Variants in CEMIP2 observed in about 807,000 individuals in gnomAD.
CEMIP2 encodes cell surface hyaluronidase CEMIP2.
A neutral mutation model predicts 146.9 loss-of-function variants in CEMIP2; 79 were observed. The ratio of observed to expected loss-of-function variants is 0.54; its 90% CI spans 0.45 to 0.65. The LOEUF (loss-of-function observed/expected upper bound fraction) is 0.65, where lower values mean the gene tolerates loss of function less well. Ranked by LOEUF, CEMIP2 falls within the 30% of genes least tolerant of loss-of-function variation. CEMIP2 has a pLI of 0.00. For synonymous variants in CEMIP2, 601 were observed against 606.3 expected (o/e 0.99, Z 0.13); for missense variants, 1,596 against 1,696.2 (o/e 0.94, Z 1.04).
At chr9:71,728,229 CTCTATATA>C (rs1417796501) in intron 10 of CEMIP2, among the ~76,000 whole-genome samples, 15 of 17,156 alleles carry the variant, frequency 8.7e-4, no homozygotes, top group African/African-American at 2.4e-3. Flanking sequence ...CTCTCTCTCT[CTCTATATA>C]TATATATATA....
intron 10 of CEMIP2, 119 bp downstream of exon 10, chr9:71,729,726 C>T (rs939714604): frequency 1.1e-6 from 1 of 922,306 alleles, no homozygotes; most frequent in Non-Finnish European, 1.7e-6. Context: ...CAAGTAGTAC[C>T]AGAAAACAAT....
chr9:71,728,302 C>CGTATATATATGTAT (rs1554684803), intron 10 of CEMIP2, among the ~76,000 whole-genome samples: 2 of 11,584 alleles, frequency 1.7e-4, no homozygotes, highest in Admixed American at 1.7e-3. Context: ...TATATATATA[C>CGTATATATATGTAT]ATATATATAT....
chr9:71,727,400 A>G (rs550365464), intron 10 of CEMIP2, among the ~76,000 whole-genome samples: 2 of 152,348 alleles, frequency 1.3e-5, no homozygotes, highest in East Asian at 3.9e-4. Context: ...TACAGGCTCA[A>G]AAATATTTGA....
At chr9:71,769,442 T>C (rs1824902907), upstream of CEMIP2, among the ~76,000 whole-genome samples, 1 of 152,210 alleles carries the variant, frequency 6.6e-6, no homozygotes, top group Non-Finnish European at 1.5e-5. Flanking sequence ...ACAGGGCAGC[T>C]CTTCTGGTCC....
chr9:71,734,208 G>GGTTTTTTTT lies in CEMIP2; in HGVS notation c.1393+597_1393+598insAAAAAAAAC, dbSNP rs374206725. On this transcript the variant is annotated intron_variant, in intron 6 of 23. Coordinates refer to ENST00000377044, the MANE Select transcript of CEMIP2 (RefSeq NM_013390.3). ...CCATTTTAAATATCAATGAGTTTTT[G>GGTTTTTTTT]TTTTTGTTTTTGTTTTTGGTAATCA... Among the ~76,000 whole-genome samples, 213 of 144,106 alleles carry GGTTTTTTTT rather than the reference G, an allele frequency of 1.5e-3. 1 individual carries two copies. Among genetic ancestry groups the GGTTTTTTTT allele is most frequent in the South Asian group, 6.2e-3 (24 of 3,884 alleles). 94.5% of individuals were successfully genotyped at this position (144,106 alleles called of 152,430 possible).
Position 71,698,183 on chromosome 9 carries a change from T to C in CEMIP2, c.3399A>G (p.Lys1133=), listed in dbSNP as rs1357873761. The change falls in exon 20 of 24, where the codon AAA becomes AAG. Residue 1133 remains lysine (K), a synonymous_variant. Coordinates refer to ENST00000377044, the MANE Select transcript of CEMIP2 (RefSeq NM_013390.3). ...TGTGGCCATGCCTGTGGCTTTTGGCTTTGAGATACAAAAACAGTAACCTGC... is the reference window on the plus strand; with the variant it reads ...TGTGGCCATGCCTGTGGCTTTTGGCCTTGAGATACAAAAACAGTAACCTGC... The part of the protein sequence containing the change: ...SSTGLLFLYL[K]AKSHRHGHSY... The C allele has an allele frequency of 6.2e-7, 1 of 1,614,164 alleles. No individual in the cohort carries two copies. Among genetic ancestry groups the C allele is most frequent in the Admixed American group, 1.7e-5 (1 of 60,012 alleles).
chr9:71,718,430 C>T (rs868556980), intron 12 of CEMIP2, among the ~76,000 whole-genome samples: 111 of 152,064 alleles, frequency 7.3e-4, no homozygotes, highest in African/African-American at 2.6e-3. Context: ...CCAATATAAA[C>T]TTATTTAATA....
At chr9:71,759,357 C>T (rs546224743) in intron 1 of CEMIP2, among the ~76,000 whole-genome samples, 18 of 152,156 alleles carry the variant, frequency 1.2e-4, no homozygotes, top group Admixed American at 2.6e-4. Context: ...TATAATACAG[C>T]GAAAGTATAA....
At chr9:71,719,512 A>G (rs1376235875) in intron 12 of CEMIP2, among the ~76,000 whole-genome samples, 1 of 152,168 alleles carries the variant, frequency 6.6e-6, no homozygotes, top group Admixed American at 6.6e-5. Flanking sequence ...TTCTTTTAAG[A>G]GATCACTGAT....
chr9:71,702,296 T>A, intron 18 of CEMIP2, among the ~76,000 whole-genome samples: 1 of 146,726 alleles, frequency 6.8e-6, no homozygotes, highest in Non-Finnish European at 1.5e-5. Flanking sequence ...TTCACCTAGG[T>A]TTTCAAGTGA....
chr9:71,767,997 G>A (rs758069227), intron 1 of CEMIP2, among the ~76,000 whole-genome samples: 20 of 152,168 alleles, frequency 1.3e-4, no homozygotes, highest in Non-Finnish European at 2.6e-4. Context: ...AAAGTTTAAG[G>A]CTGTTCGCAC....
chr9:71,755,380 CAA>C (rs1491420760), intron 1 of CEMIP2, among the ~76,000 whole-genome samples: 4 of 128,968 alleles, frequency 3.1e-5, no homozygotes, highest in Non-Finnish European at 3.4e-5. Flanking sequence ...CACACACACA[CAA>C]AATTAAATCA....
intron 1 of CEMIP2, among the ~76,000 whole-genome samples, chr9:71,766,916 G>C (rs1824815327): frequency 1.3e-5 from 2 of 152,194 alleles, no homozygotes; most frequent in Non-Finnish European, 2.9e-5. Context: ...CTCTAATGCA[G>C]GTACACAGAA....
intron 2 of CEMIP2, among the ~76,000 whole-genome samples, chr9:71,746,596 C>CAAAAAAAAAAAAAAAAAAA (rs5898226): frequency 2.7e-5 from 2 of 75,178 alleles, no homozygotes; most frequent in African/African-American, 1.1e-4. Context: ...CAAACTTCAC[C>CAAAAAAAAAAAAAAAAAAA]AAAAAAAAAA....
chr9:71,760,849 A>G (rs1322756209), intron 1 of CEMIP2, among the ~76,000 whole-genome samples: 1 of 152,232 alleles, frequency 6.6e-6, no homozygotes, highest in Admixed American at 6.5e-5. Context: ...GAAAAAAGGG[A>G]AAAAGGTCGT....
Position 71,730,916 on chromosome 9 carries a change from T to C in CEMIP2, c.1564-2A>G. 1 of 1,613,754 alleles carries C rather than the reference T, an allele frequency of 6.2e-7. No individual in the cohort carries two copies. The highest frequency in any genetic ancestry group is 8.5e-7 in the Non-Finnish European group (1 of 1,179,636). On this transcript the variant is annotated splice_acceptor_variant, in intron 7 of 23. Coordinates refer to ENST00000377044, the MANE Select transcript of CEMIP2 (RefSeq NM_013390.3). LOFTEE classifies it high-confidence loss of function. ...GACTGAAGTAAAATTTTTCATTATC[T>C]GTAAGTCAAGGTACTAAAATCAAAC...
chr9:71,764,542 T>G (rs1349845084), intron 1 of CEMIP2, among the ~76,000 whole-genome samples: 2 of 152,166 alleles, frequency 1.3e-5, no homozygotes, highest in South Asian at 2.1e-4. Context: ...TTCCTTGTTT[T>G]AATATTATCT....
At chr9:71,693,400 G>A (rs1822292219) in intron 21 of CEMIP2, among the ~76,000 whole-genome samples, 2 of 152,214 alleles carry the variant, frequency 1.3e-5, no homozygotes, top group Admixed American at 1.3e-4. Flanking sequence ...TGTTGACACT[G>A]CAACTCATGT....
At chr9:71,718,726 A>G (rs1048815015) in intron 12 of CEMIP2, among the ~76,000 whole-genome samples, 1 of 151,966 alleles carries the variant, frequency 6.6e-6, no homozygotes, top group East Asian at 1.9e-4. Context: ...ACAGGCATCC[A>G]TCGCCACACC....
Sources: gnomAD v4.1 joint callset for allele counts (sites outside exome capture counted in the v4.1 genomes callset) on GRCh38, gnomAD v4.1.1 for gene constraint, MANE v1.5 for transcripts, NCBI Gene and HGNC (gene_info 2026-07-23, HGNC 2026-07-21) for gene names.